The following HACD1 variants were observed in gnomAD, a reference collection of about 807,000 sequenced individuals.
HACD1 encodes the protein very-long-chain (3R)-3-hydroxyacyl-CoA dehydratase 1.
HACD1 carries 41 observed loss-of-function variants against 32.0 expected under a neutral mutation model. That is an observed-to-expected ratio of 1.28 (90% CI 1.00 to 1.66). The LOEUF (loss-of-function observed/expected upper bound fraction) is 1.66, where lower values mean the gene tolerates loss of function less well. HACD1 is among the 40% of genes most tolerant of loss of function. The pLI is 0.00. For missense variants in HACD1, 396 were observed against 380.1 expected (o/e 1.04, Z -0.35); for synonymous variants, 142 against 139.0 (o/e 1.02, Z -0.15).
chr10:17,614,423 A>C (rs1554817797), intron 1 of HACD1, among the ~76,000 whole-genome samples: 1 of 152,008 alleles, frequency 6.6e-6, no homozygotes, highest in East Asian at 1.9e-4. Context: ...TGCCCGGCTA[A>C]TTTTTGTATT....
chr10:17,596,226 C>G (rs545741899), intron 5 of HACD1, among the ~76,000 whole-genome samples: 2 of 152,070 alleles, frequency 1.3e-5, no homozygotes, highest in African/African-American at 2.4e-5. Context: ...GGGAGAAGGG[C>G]AGAATTATTT....
intron 6 of HACD1, among the ~76,000 whole-genome samples, chr10:17,592,694 G>A (rs782144710): frequency 6.6e-6 from 1 of 152,144 alleles, no homozygotes; most frequent in African/African-American, 2.4e-5. Flanking sequence ...GACAGACACC[G>A]AAGCAAGCTC....
intron 4 of HACD1, 140 bp from the exon 5 acceptor site, chr10:17,599,551 A>G: frequency 7.6e-7 from 1 of 1,313,558 alleles, no homozygotes; most frequent in South Asian, 1.7e-5. Flanking sequence ...AACTTAATGC[A>G]GTCACCATTA....
chr10:17,603,697 AAAAGTAT>A (rs782292949), intron 3 of HACD1, 22 bp downstream of exon 3: 1 of 1,603,816 alleles, frequency 6.2e-7, no homozygotes, highest in Non-Finnish European at 8.5e-7. Context: ...AATTTATAAT[AAAAGTAT>A]AAAATTGAAG....
rs782665102 is a variant in HACD1, at chr10:17,589,810, G to A, written c.*554C>T. 1.3e-5 allele frequency: 2 copies of A among 152,080 alleles called. No individual in the cohort carries two copies. The highest frequency in any genetic ancestry group is 2.9e-5 in the Non-Finnish European group (2 of 68,010). The allele number at this position is 152,080 out of a possible 1,614,324, so 9.4% of individuals were successfully genotyped here. ...CTGTGACATCTACTTGAATATTTGT[G>A]TGTTTTTATGCTGCTACTTTATCTA... On this transcript the variant is annotated 3_prime_UTR_variant, in exon 7 of 7. Transcript: ENST00000361271.
At chr10:17,592,417 T>C (rs1014146938) in intron 6 of HACD1, among the ~76,000 whole-genome samples, 12 of 152,130 alleles carry the variant, frequency 7.9e-5, no homozygotes, top group African/African-American at 9.7e-5. Context: ...GTAAAATTAA[T>C]TGATTTATTA....
intron 1 of HACD1, 117 bp downstream of exon 1, chr10:17,616,966 C>A (rs1376173810): frequency 2.6e-6 from 3 of 1,158,062 alleles, no homozygotes; most frequent in East Asian, 3.4e-5. Flanking sequence ...TCCCTTCCCC[C>A]ACGGCCGCTG....
intron 4 of HACD1, chr10:17,602,837 A>C (rs896310741): frequency 6.6e-6 from 1 of 152,124 alleles, no homozygotes; most frequent in Non-Finnish European, 1.5e-5. Flanking sequence ...GATCTACAGA[A>C]CTGCATTTAC....
chr10:17,613,215 C>T (rs1833019337), intron 1 of HACD1, among the ~76,000 whole-genome samples: 2 of 151,308 alleles, frequency 1.3e-5, no homozygotes, highest in Admixed American at 1.3e-4. Flanking sequence ...TCAAGCAATC[C>T]TCCTGCCTCA....
intron 4 of HACD1, 31 bp from the exon 5 acceptor site, chr10:17,599,442 T>C (rs1554816308): frequency 1.2e-6 from 2 of 1,605,354 alleles, no homozygotes; most frequent in East Asian, 4.5e-5. Flanking sequence ...CCAGTGTCAT[T>C]CAACCTAGAA....
chr10:17,612,684 G>T (rs1833002242), intron 1 of HACD1, among the ~76,000 whole-genome samples: 2 of 151,990 alleles, frequency 1.3e-5, no homozygotes, highest in Non-Finnish European at 1.5e-5. Context: ...ACTTTGGGAG[G>T]GCGAGGCGGG....
At chr10:17,599,258 C>T (rs1554816259) in intron 5 of HACD1, 32 bp downstream of exon 5, 1 of 1,611,862 alleles carries the variant, frequency 6.2e-7, no homozygotes, top group Admixed American at 1.7e-5. Context: ...ATGCACAGGA[C>T]AAGGAGAAAC....
Position 17,591,976 on chromosome 10 carries a change from A to ATCTTTT in HACD1, c.785-1531_785-1530insAAAAGA, listed in dbSNP as rs1465312407. ...CCCTGCCTTAACTCACCAGCTACTG[A>ATCTTTT]TTTTTTTTTTTTTTTTTTTTTTTGA... On this transcript the variant is annotated intron_variant, in intron 6 of 6. Coordinates refer to ENST00000361271, the MANE Select transcript of HACD1 (RefSeq NM_014241.4). Among the ~76,000 whole-genome samples the ATCTTTT allele has an allele frequency of 3.1e-5, 3 of 96,942 alleles. No individual in the cohort carries two copies. In the South Asian group the frequency reaches 1.0e-3, roughly 32 times the overall value. 63.6% of individuals were successfully genotyped at this position (96,942 alleles called of 152,430 possible). A position where few individuals can be genotyped will look rare whatever the true frequency, so the allele number is the denominator to read the frequency against.
At position 17,603,982 on chromosome 10, in the gene HACD1, T is replaced by A; in HGVS notation, c.323A>T (p.Tyr108Phe). The change falls in exon 2 of 7, where the codon TAT (tyrosine) becomes TTT (phenylalanine). Residue 108 changes from tyrosine (Y) to phenylalanine (F), a missense_variant. Tyr to Phe is a conservative substitution (Grantham distance 22). Transcript: ENST00000361271. ...TTTAAGTGTCTTCTGAATACTTTTA[T>A]ATAAACCTCTGTGTGTTCCTTTTTC... ...YMEKGTHRGL[Y>F]KSIQKTLKFF... The A allele has an allele frequency of 6.2e-7, 1 of 1,612,374 alleles. No individual in the cohort carries two copies. The highest frequency in any genetic ancestry group is 8.5e-7 in the Non-Finnish European group (1 of 1,179,536).
intron 5 of HACD1, among the ~76,000 whole-genome samples, chr10:17,598,699 C>T (rs545558424): frequency 1.8e-4 from 28 of 152,276 alleles, no homozygotes; most frequent in Admixed American, 5.9e-4. Context: ...CTTTCTAAAA[C>T]GTCAATTGCT....
intron 1 of HACD1, among the ~76,000 whole-genome samples, chr10:17,613,360 A>T (rs1295593852): frequency 2.0e-5 from 3 of 152,166 alleles, no homozygotes; most frequent in Admixed American, 1.3e-4. Context: ...AAGAGCCTCA[A>T]CTAGTCTTCT....
At chr10:17,602,803 C>T (rs1588988648) in intron 4 of HACD1, 2 of 152,118 alleles carry the variant, frequency 1.3e-5, no homozygotes, top group Non-Finnish European at 2.9e-5. Context: ...CCCCTTCTAA[C>T]TTTCAGTCTT....
rs995261814 is a variant in HACD1 at position 17,616,957 on chromosome 10, C to G, written c.257+126G>C. The G allele has an allele frequency of 8.4e-5, 91 of 1,088,992 alleles. No individual in the cohort carries two copies. The East Asian group carries it at 2.5e-3, about 30-fold the overall frequency. 67.5% of individuals were successfully genotyped at this position (1,088,992 alleles called of 1,614,324 possible). On this transcript the variant is annotated intron_variant, in intron 1 of 6. Transcript: ENST00000361271. ...CCCGGCGGTGGCCGCGGCGACAGCT[C>G]CCTTCCCCCACGGCCGCTGCCCGCA...
chr10:17,600,261 CT>C (rs1432028088), intron 4 of HACD1, among the ~76,000 whole-genome samples: 3 of 152,206 alleles, frequency 2.0e-5, no homozygotes, highest in Non-Finnish European at 4.4e-5. Flanking sequence ...ATCTCGCCCT[CT>C]AGAAAACTGA....
Sources: allele counts gnomAD v4.1 joint callset (sites outside exome capture counted in the v4.1 genomes callset), GRCh38; gene constraint gnomAD v4.1.1; transcripts MANE v1.5; gene names NCBI Gene and HGNC (gene_info 2026-07-23, HGNC 2026-07-21).